MYOM2: variants seen among roughly 807,000 people sequenced by gnomAD.
The protein encoded by MYOM2 is myomesin-2.
MYOM2 carries 254 observed loss-of-function variants against 187.6 expected under a neutral mutation model. The ratio of observed to expected loss-of-function variants is 1.35; its 90% CI spans 1.22 to 1.50. The LOEUF is 1.50. Ranked by LOEUF, MYOM2 falls within the 40% of genes most tolerant of loss-of-function variation. MYOM2 has a pLI of 0.00. For missense variants in MYOM2, 2,796 were observed against 1,924.0 expected (o/e 1.45, Z -8.48); for synonymous variants, 981 against 753.8 (o/e 1.30, Z -4.94).
chr8:2,055,941 G>A (rs112856968), intron 3 of MYOM2, among the ~76,000 whole-genome samples: 3 of 152,046 alleles, frequency 2.0e-5, no homozygotes, highest in Admixed American at 6.5e-5. Flanking sequence ...GCGGCGCTCC[G>A]GCTCGGCCAC....
At chr8:2,092,714 G>A (rs1796350797) in intron 16 of MYOM2, among the ~76,000 whole-genome samples, 194 bp downstream of exon 16, 1 of 152,196 alleles carries the variant, frequency 6.6e-6, no homozygotes. Flanking sequence ...ACTTGCTCAT[G>A]TCGACCGAAA....
chr8:2,100,129 T>TTTCCTTCCTTCCCTCCTTCCTTCC (rs1796649205), intron 19 of MYOM2, among the ~76,000 whole-genome samples: 3 of 45,578 alleles, frequency 6.6e-5, no homozygotes, highest in African/African-American at 2.4e-4. Flanking sequence ...TCCTTCCTTC[T>TTTCCTTCCTTCCCTCCTTCCTTCC]TTCCTTCCTT....
At chr8:2,114,228 G>A (rs982146444) in intron 25 of MYOM2, among the ~76,000 whole-genome samples, 18 of 152,230 alleles carry the variant, frequency 1.2e-4, no homozygotes, top group African/African-American at 4.3e-4. Flanking sequence ...GGCATGAAAT[G>A]TATCCCTGCA....
At chr8:2,098,238 T>G (rs1222673672) in intron 18 of MYOM2, 1 of 152,274 alleles carries the variant, frequency 6.6e-6, no homozygotes, top group Non-Finnish European at 1.5e-5. Context: ...ATAGCGTTTT[T>G]GTGCCACAAG....
intron 16 of MYOM2, 133 bp from the exon 17 acceptor site, chr8:2,093,837 C>A (rs1438797644): frequency 1.1e-5 from 12 of 1,072,000 alleles, no homozygotes; most frequent in Non-Finnish European, 1.6e-5. Flanking sequence ...AGCTAATTAA[C>A]TAGAATTGAA....
intron 12 of MYOM2, 55 bp downstream of exon 12, chr8:2,078,988 T>A (rs893382339): frequency 6.4e-7 from 1 of 1,560,444 alleles, no homozygotes; most frequent in Non-Finnish European, 8.8e-7. Context: ...GGCTGTTTTG[T>A]GTGTGATTTG....
At chr8:2,085,020 G>C in intron 13 of MYOM2, 1 of 461,814 alleles carries the variant, frequency 2.2e-6, no homozygotes. Context: ...GAAGACTTTC[G>C]GGTGAGATTC....
chr8:2,116,398 A>G (rs1164983086), intron 27 of MYOM2, 123 bp downstream of exon 27: 2 of 961,920 alleles, frequency 2.1e-6, no homozygotes, highest in African/African-American at 3.3e-5. Flanking sequence ...TAAATGATTA[A>G]GAGGTTAGGC....
Position 2,093,998 on chromosome 8 carries a change from G to C in MYOM2, c.2032G>C (p.Glu678Gln). The change falls in exon 17 of 37, where the codon GAG becomes CAG. Residue 678 changes from glutamate (E) to glutamine (Q), a missense_variant. By Grantham distance (29) the Glu-to-Gln change is conservative. Transcript: ENST00000262113. ...RFVVHGLTTG[E>Q]QYIFRVKAVN... Reference sequence around the variant, plus strand: ...CGTGGTGCACGGCTTAACCACGGGAGAGCAGTACATCTTCCGAGTCAAGGC... The same window carrying C: ...CGTGGTGCACGGCTTAACCACGGGACAGCAGTACATCTTCCGAGTCAAGGC... 6.2e-7 allele frequency: 1 copy of C among 1,614,200 alleles called. No individual in the cohort carries two copies. The highest frequency in any genetic ancestry group is 2.2e-5 in the East Asian group (1 of 44,888).
chr8:2,119,657 C>T (rs6989996), intron 28 of MYOM2, among the ~76,000 whole-genome samples: 1 of 152,036 alleles, frequency 6.6e-6, no homozygotes, highest in East Asian at 1.9e-4. Context: ...TGAGGGAGAG[C>T]GAGGGGAGTC....
intron 23 of MYOM2, 39 bp downstream of exon 23, chr8:2,106,636 T>A: frequency 7.0e-7 from 1 of 1,429,360 alleles, no homozygotes; most frequent in Non-Finnish European, 9.7e-7. Context: ...GTTTTGGTTT[T>A]ATCACACTTT....
In MYOM2 at chr8:2,073,502, T is replaced by A; in HGVS notation, c.1120+2T>A. On this transcript the variant is annotated splice_donor_variant, in intron 10 of 36. Coordinates refer to ENST00000262113, the MANE Select transcript of MYOM2 (RefSeq NM_003970.4). LOFTEE classifies it high-confidence loss of function. ...ACAGCGCCTTCCTGTTTGTCAGAGG[T>A]GCGGGCAGCAGGGTTCTCAGGGTGC... 6.3e-7 allele frequency: 1 copy of A among 1,598,192 alleles called. No homozygotes were observed. Among genetic ancestry groups the A allele is most frequent in the Non-Finnish European group, 8.5e-7 (1 of 1,177,284 alleles).
At chr8:2,136,714 T>C (rs1329628228) in intron 32 of MYOM2, among the ~76,000 whole-genome samples, 1 of 152,216 alleles carries the variant, frequency 6.6e-6, no homozygotes, top group Non-Finnish European at 1.5e-5. Flanking sequence ...CATTTACAGC[T>C]ATTTTATGAA....
chr8:2,060,400 A>G (rs1311489209), intron 6 of MYOM2, among the ~76,000 whole-genome samples: 1 of 152,152 alleles, frequency 6.6e-6, no homozygotes, highest in African/African-American at 2.4e-5. Flanking sequence ...AAGAAGATGC[A>G]TGTTGTGTTT....
At chr8:2,105,480 A>G (rs561349488) in intron 21 of MYOM2, among the ~76,000 whole-genome samples, 9 of 152,282 alleles carry the variant, frequency 5.9e-5, no homozygotes, top group Middle Eastern at 6.8e-3. Flanking sequence ...AAACAAGACA[A>G]GGCAAGGCCC....
chr8:2,119,582 G>C (rs1314674020), intron 28 of MYOM2: 2 of 152,432 alleles, frequency 1.3e-5, no homozygotes, highest in African/African-American at 2.4e-5. Context: ...GGTGGGCTGA[G>C]GAGATGGGAC....
At chr8:2,135,261 C>A (rs1433692507) in intron 32 of MYOM2, among the ~76,000 whole-genome samples, 2 of 152,166 alleles carry the variant, frequency 1.3e-5, no homozygotes, top group Non-Finnish European at 2.9e-5. Flanking sequence ...TAATTCCTTT[C>A]ATCTTTAGCC....
At chr8:2,070,213 A>C (rs1273174380) in intron 8 of MYOM2, among the ~76,000 whole-genome samples, 1 of 152,132 alleles carries the variant, frequency 6.6e-6, no homozygotes, top group Non-Finnish European at 1.5e-5. Flanking sequence ...TGAGTTTTAG[A>C]ATTGGCCTGA....
intron 19 of MYOM2, among the ~76,000 whole-genome samples, chr8:2,100,113 T>C (rs1157394020): frequency 0.041 from 2,463 of 60,612 alleles, 30 homozygotes; most frequent in East Asian, 0.063. Context: ...TCCTTCTTTC[T>C]TTCCTTCCTT....
Sources: gnomAD v4.1 joint callset for allele counts (sites outside exome capture counted in the v4.1 genomes callset) on GRCh38, gnomAD v4.1.1 for gene constraint, MANE v1.5 for transcripts, NCBI Gene and HGNC (gene_info 2026-07-23, HGNC 2026-07-21) for gene names.